Variants in BRD4 observed in about 807,000 individuals in gnomAD.
The protein encoded by BRD4 is bromodomain containing 4, also known as bromodomain-containing protein 4.
A neutral mutation model predicts 142.1 loss-of-function variants in BRD4; 16 were observed. The ratio of observed to expected loss-of-function variants is 0.11; its 90% CI spans 0.08 to 0.17. The LOEUF (loss-of-function observed/expected upper bound fraction) is 0.17, where lower values mean the gene tolerates loss of function less well. Ranked by LOEUF, BRD4 falls within the 10% of genes least tolerant of loss-of-function variation. The pLI is 1.00. For missense variants in BRD4, 1,424 were observed against 1,810.9 expected, an observed-to-expected ratio of 0.79 and a Z score of 3.88; for synonymous variants, 833 against 707.5, an observed-to-expected ratio of 1.18 and a Z score of -2.82.
intron 11 of BRD4, 70 bp from the exon 12 acceptor site, chr19:15,244,832 A>C: frequency 1.9e-6 from 3 of 1,609,772 alleles, no homozygotes; most frequent in Admixed American, 3.4e-5. Flanking sequence ...GGATGAAGAA[A>C]GACGAGAAAA....
intron 1 of BRD4, among the ~76,000 whole-genome samples, chr19:15,310,231 T>C (rs1018952994): frequency 4.0e-5 from 6 of 148,994 alleles, no homozygotes; most frequent in Non-Finnish European, 5.9e-5. Context: ...TTTTTTTTTT[T>C]GAAAGAGAGT....
chr19:15,241,127 G>A (rs1227386505), intron 14 of BRD4, among the ~76,000 whole-genome samples: 1 of 152,264 alleles, frequency 6.6e-6, no homozygotes, highest in Non-Finnish European at 1.5e-5. Flanking sequence ...TGTCCCCGCA[G>A]CCCACTGCTG....
chr19:15,305,275 T>C (rs2145696638), intron 1 of BRD4, among the ~76,000 whole-genome samples: 1 of 152,292 alleles, frequency 6.6e-6, no homozygotes, highest in East Asian at 1.9e-4. Flanking sequence ...ACTCCTGACC[T>C]CAGGTGATCC....
At chr19:15,282,963 C>T (rs2071585974) in intron 1 of BRD4, among the ~76,000 whole-genome samples, 1 of 152,092 alleles carries the variant, frequency 6.6e-6, no homozygotes, top group Non-Finnish European at 1.5e-5. Flanking sequence ...AAGACTCTGT[C>T]TTTAAAAATA....
chr19:15,275,245 A>G (rs1287254785), intron 1 of BRD4, among the ~76,000 whole-genome samples: 1 of 152,214 alleles, frequency 6.6e-6, no homozygotes, highest in Non-Finnish European at 1.5e-5. Flanking sequence ...TTGGTGTTTT[A>G]AGCCATTGCA....
In BRD4 at chr19:15,243,163, T is replaced by C; in HGVS notation, c.2906A>G (p.Gln969Arg). ...PPPPHPSVQQQLQQQPPPPPP... is the reference protein window; with the variant it reads ...PPPPHPSVQQRLQQQPPPPPP... Reference sequence around the variant, plus strand: ...GGGTGGTGGCGGCTGCTGCTGCAGCTGCTGCTGCACAGAGGGGTGGGGTGG... The same window carrying C: ...GGGTGGTGGCGGCTGCTGCTGCAGCCGCTGCTGCACAGAGGGGTGGGGTGG... The change falls in exon 14 of 20, where the codon CAG (glutamine) becomes CGG (arginine). Residue 969 changes from glutamine to arginine, a missense_variant. Gln to Arg is a conservative substitution (Grantham distance 43, BLOSUM62 1). This residue lies in a region of BRD4 where 598 missense variants were observed against 647.8 expected (regional missense o/e 0.92). Coordinates refer to ENST00000679869, the MANE Select transcript of BRD4 (RefSeq NM_001379291.1). The C allele has an allele frequency of 2.4e-6, 1 of 414,466 alleles. No homozygotes were observed. The highest frequency in any genetic ancestry group is 3.6e-6 in the Non-Finnish European group (1 of 278,288). 25.7% of individuals were successfully genotyped at this position (414,466 alleles called of 1,614,324 possible).
At chr19:15,319,067 T>A (rs939129910) in intron 1 of BRD4, among the ~76,000 whole-genome samples, 8 of 152,170 alleles carry the variant, frequency 5.3e-5, no homozygotes, top group African/African-American at 1.9e-4. Flanking sequence ...GCACAGTGGC[T>A]CACCTGTGTA....
At chr19:15,314,959 G>A (rs2048003886) in intron 1 of BRD4, among the ~76,000 whole-genome samples, 1 of 152,208 alleles carries the variant, frequency 6.6e-6, no homozygotes, top group Non-Finnish European at 1.5e-5. Flanking sequence ...GCAACAGTGT[G>A]TCACAGAACC....
At chr19:15,318,375 A>C (rs2048033732) in intron 1 of BRD4, among the ~76,000 whole-genome samples, 1 of 152,212 alleles carries the variant, frequency 6.6e-6, no homozygotes, top group Non-Finnish European at 1.5e-5. Flanking sequence ...ACTCTGCCCC[A>C]ATTACAGAAG....
intron 7 of BRD4, among the ~76,000 whole-genome samples, chr19:15,259,693 A>G (rs1212855841): frequency 6.6e-6 from 1 of 152,178 alleles, no homozygotes; most frequent in African/African-American, 2.4e-5. Context: ...GGGCTGCTGT[A>G]GGAAAACCTT....
intron 1 of BRD4, among the ~76,000 whole-genome samples, chr19:15,311,173 T>C (rs557976364): frequency 6.6e-6 from 1 of 152,034 alleles, no homozygotes; most frequent in South Asian, 2.1e-4. Context: ...GGGCCTGTAG[T>C]CCCAGCTACT....
intron 1 of BRD4, among the ~76,000 whole-genome samples, chr19:15,277,036 T>C (rs908613066): frequency 1.5e-4 from 23 of 152,100 alleles, no homozygotes; most frequent in African/African-American, 5.3e-4. Context: ...ATGCCTGGCA[T>C]AGATAACAGG....
chr19:15,240,080 A>G, intron 14 of BRD4, 58 bp from the exon 15 acceptor site: 1 of 1,545,332 alleles, frequency 6.5e-7, no homozygotes, highest in Non-Finnish European at 8.7e-7. Flanking sequence ...TGGCCCTGAG[A>G]GAATTGTCGG....
At chr19:15,328,410 G>A (rs1462290889) in intron 1 of BRD4, among the ~76,000 whole-genome samples, 4 of 152,100 alleles carry the variant, frequency 2.6e-5, no homozygotes, top group African/African-American at 9.7e-5. Context: ...GAACCACAGC[G>A]CAAAGCCACT....
intron 1 of BRD4, among the ~76,000 whole-genome samples, chr19:15,310,154 T>TAGGATG (rs1412681399): frequency 6.6e-6 from 1 of 151,128 alleles, no homozygotes; most frequent in Non-Finnish European, 1.5e-5. Flanking sequence ...AGCCCACTGA[T>TAGGATG]AGGATGAGTC....
Position 15,269,057 on chromosome 19 carries a change from G to C in BRD4, c.286-15C>G, listed in dbSNP as rs754693600. The stretch of plus-strand genomic sequence containing the variant: ...TTATAGTAATCCTGGAGAGCAGAGA[G>C]CAAAAGTCCAGTGTCACCTAGGCAG... On this transcript the variant is annotated splice_polypyrimidine_tract_variant and intron_variant, in intron 2 of 19. Coordinates refer to ENST00000679869, the MANE Select transcript of BRD4 (RefSeq NM_001379291.1). 1 of 1,613,550 alleles carries C rather than the reference G, an allele frequency of 6.2e-7. No individual in the cohort carries two copies. The highest frequency in any genetic ancestry group is 1.1e-5 in the South Asian group (1 of 91,016).
intron 11 of BRD4, chr19:15,253,648 C>T (rs867355043): frequency 3.8e-6 from 6 of 1,597,518 alleles, no homozygotes; most frequent in African/African-American, 2.7e-5. Flanking sequence ...AGCAGACTGG[C>T]GATGCGGCTG....
At chr19:15,255,241 A>G (rs576428637) in intron 10 of BRD4, 56 bp downstream of exon 10, 3 of 1,543,462 alleles carry the variant, frequency 1.9e-6, no homozygotes, top group Non-Finnish European at 2.6e-6. Context: ...AGGAGGGAAA[A>G]GTTACTCTGA....
At chr19:15,267,797 CCTAT>C (rs1442299268) in intron 3 of BRD4, among the ~76,000 whole-genome samples, 1 of 152,204 alleles carries the variant, frequency 6.6e-6, no homozygotes, top group African/African-American at 2.4e-5. Flanking sequence ...TAAGCTCTGG[CCTAT>C]CTGAGAAGCC....
Sources: gnomAD v4.1 joint callset for allele counts (sites outside exome capture counted in the v4.1 genomes callset) on GRCh38, gnomAD v4.1.1 for gene constraint, gnomAD v4.1.1 regional missense constraint, MANE v1.5 for transcripts, NCBI Gene and HGNC (gene_info 2026-07-23, HGNC 2026-07-21) for gene names.